ABAT: variants seen among roughly 807,000 people sequenced by gnomAD.
ABAT encodes 4-aminobutyrate aminotransferase, mitochondrial.
In ABAT, 45 loss-of-function variants were observed where a neutral mutation model predicts 64.6. That is an observed-to-expected ratio of 0.70 (90% CI 0.55 to 0.89). The LOEUF (loss-of-function observed/expected upper bound fraction) is 0.89, where lower values mean the gene tolerates loss of function less well. ABAT is among the 40% of genes least tolerant of loss of function. The probability of loss-of-function intolerance (pLI) is 0.00; values close to 1 mark genes in which losing one functional copy is unlikely to be tolerated. For missense variants in ABAT, 633 were observed against 658.4 expected (o/e 0.96, Z 0.42); for synonymous variants, 297 against 250.5 (o/e 1.19, Z -1.75).
At chr16:8,710,369 C>G (rs979443846) in intron 1 of ABAT, among the ~76,000 whole-genome samples, 1 of 152,138 alleles carries the variant, frequency 6.6e-6, no homozygotes, top group Non-Finnish European at 1.5e-5. Flanking sequence ...GCAAGATAGA[C>G]TTTTGCATGC....
intron 1 of ABAT, among the ~76,000 whole-genome samples, chr16:8,729,161 A>G (rs1207497221): frequency 6.9e-6 from 1 of 144,880 alleles, no homozygotes; most frequent in East Asian, 2.0e-4. Context: ...AAAAAAAATT[A>G]GCTGGGCGTG....
At chr16:8,775,172 G>T (rs2060229977) in intron 13 of ABAT, 115 bp downstream of exon 13, 1 of 1,373,360 alleles carries the variant, frequency 7.3e-7, no homozygotes, top group Admixed American at 1.9e-5. Flanking sequence ...TGGGTCGCAG[G>T]TTTTCTAAGT....
intron 14 of ABAT, among the ~76,000 whole-genome samples, chr16:8,779,220 G>C (rs1003581470): frequency 6.6e-6 from 1 of 152,244 alleles, no homozygotes; most frequent in African/African-American, 2.4e-5. Context: ...TATACAGTGA[G>C]AGGGACAGAG....
intron 14 of ABAT, among the ~76,000 whole-genome samples, chr16:8,779,161 T>C (rs547380022): frequency 6.6e-6 from 1 of 152,316 alleles, no homozygotes; most frequent in South Asian, 2.1e-4. Flanking sequence ...AGCATTTAAA[T>C]CCTTCAGTTT....
At chr16:8,760,849 A>T (rs2059775410) in intron 6 of ABAT, among the ~76,000 whole-genome samples, 1 of 152,150 alleles carries the variant, frequency 6.6e-6, no homozygotes, top group African/African-American at 2.4e-5. Context: ...CTGAGGCAGA[A>T]GGATCCCTGA....
At chr16:8,706,418 A>G (rs558610664) in intron 1 of ABAT, among the ~76,000 whole-genome samples, 10 of 147,784 alleles carry the variant, frequency 6.8e-5, no homozygotes, top group African/African-American at 2.5e-4. Flanking sequence ...AAAAAAAAAA[A>G]AAAAAGAAAA....
chr16:8,688,136 T>C (rs1325316463), intron 1 of ABAT, among the ~76,000 whole-genome samples: 1 of 152,120 alleles, frequency 6.6e-6, no homozygotes, highest in East Asian at 1.9e-4. Context: ...ACTCCTGGCC[T>C]CAAGCAATCC....
At chr16:8,744,705 T>G (rs1184007027) in intron 2 of ABAT, among the ~76,000 whole-genome samples, 1 of 150,962 alleles carries the variant, frequency 6.6e-6, no homozygotes, top group African/African-American at 2.4e-5. Flanking sequence ...TCAGCCAGGC[T>G]AAAAATACTA....
At chr16:8,681,372 A>G (rs918053574) in intron 1 of ABAT, among the ~76,000 whole-genome samples, 2 of 151,888 alleles carry the variant, frequency 1.3e-5, no homozygotes, top group Admixed American at 1.3e-4. Flanking sequence ...CCTGTAGGTC[A>G]CACACTATCT....
chr16:8,738,558 A>T, intron 2 of ABAT: 2 of 408,014 alleles, frequency 4.9e-6, no homozygotes, highest in South Asian at 3.6e-5. Context: ...GGTTTTAAGA[A>T]GTTATCAATG....
chr16:8,735,330 C>T (rs1802855990), intron 1 of ABAT, among the ~76,000 whole-genome samples: 2 of 151,986 alleles, frequency 1.3e-5, no homozygotes, highest in Admixed American at 6.6e-5. Context: ...TGGCTCACTG[C>T]AGCCTCAAAT....
At chr16:8,679,261 C>G (rs1044176665) in intron 1 of ABAT, among the ~76,000 whole-genome samples, 4 of 152,102 alleles carry the variant, frequency 2.6e-5, no homozygotes, top group Admixed American at 2.0e-4. Context: ...CCAGAAGTTG[C>G]CAGTGGTGAA....
intron 1 of ABAT, among the ~76,000 whole-genome samples, chr16:8,691,696 C>G (rs1055463566): frequency 8.6e-5 from 11 of 127,426 alleles, no homozygotes; most frequent in African/African-American, 3.0e-4. Flanking sequence ...TGCCCTCAGC[C>G]TCACAAAGTG....
rs140172641 is a variant in ABAT at position 8,758,526 on chromosome 16, C to G, written c.366+720C>G. On this transcript the variant is annotated intron_variant, in intron 6 of 15. Transcript: ENST00000268251. ...AGGGCACAGGGTTTTCAGACGCCAC[C>G]TAGGCCAGGGGTTCAGAACTCTCAC... Among the ~76,000 whole-genome samples the G allele has an allele frequency of 3.5e-3, 529 of 152,244 alleles. 9 individuals are homozygous for G. Among genetic ancestry groups the G allele is most frequent in the Middle Eastern group, 0.01 (3 of 294 alleles).
chr16:8,734,843 A>G (rs1254490520), intron 1 of ABAT, among the ~76,000 whole-genome samples: 1 of 152,134 alleles, frequency 6.6e-6, no homozygotes, highest in African/African-American at 2.4e-5. Context: ...GGGGAGAGGG[A>G]ACAGGGAGCA....
chr16:8,781,358 G>A lies in ABAT; in HGVS notation c.1431G>A (p.Thr477=), dbSNP rs573157071. Residue 477 remains threonine (T), a synonymous_variant, in exon 16 of 16, where the codon ACG becomes ACA. Transcript: ENST00000268251. This position sits in a 1 kb window ranked among gnomAD's most constrained non-coding sequence, Gnocchi z 4.5. ...ACAAATCCATTCGTTTCCGTCCCAC[G>A]CTGGTCTTCAGGGATCACCACGCTC... The part of the protein sequence containing the change: ...CGDKSIRFRP[T]LVFRDHHAHL... The A allele has an allele frequency of 9.8e-5, 158 of 1,614,142 alleles. No individual in the cohort carries two copies. The South Asian group carries it at 1.5e-3, about 15-fold the overall frequency.
At chr16:8,700,959 A>C (rs1182982057) in intron 1 of ABAT, among the ~76,000 whole-genome samples, 2 of 133,534 alleles carry the variant, frequency 1.5e-5, no homozygotes, top group Non-Finnish European at 1.5e-5. Context: ...TTTGAGATGG[A>C]GTGTCACTCT....
chr16:8,766,638 GA>G (rs2059954612), intron 9 of ABAT, among the ~76,000 whole-genome samples: 1 of 150,318 alleles, frequency 6.7e-6, no homozygotes, highest in Non-Finnish European at 1.5e-5. Flanking sequence ...CTGGGTGACA[GA>G]GTGAGACTCC....
In ABAT at chr16:8,749,386, C is replaced by CTT. The variant is rs1160144275; in HGVS notation, c.199-1007_199-1006dup. On this transcript the variant is annotated intron_variant, in intron 4 of 15. Transcript: ENST00000268251. ...ACAGGCGTGAGCCACCGCACCCGGC[C>CTT]TTTTTTTTTTTTTTTTTTTTTTTTT... Among the ~76,000 whole-genome samples, 318 of 32,024 alleles carry CTT rather than the reference C, an allele frequency of 9.9e-3. 98 individuals are homozygous for CTT. The highest frequency in any genetic ancestry group is 0.011 in the Non-Finnish European group (204 of 18,086). The allele number at this position is 32,024 out of a possible 152,430, so 21.0% of individuals were successfully genotyped here. A position where few individuals can be genotyped will look rare whatever the true frequency, so the allele number is the denominator to read the frequency against.
Sources: allele counts gnomAD v4.1 joint callset (sites outside exome capture counted in the v4.1 genomes callset), GRCh38; gene constraint gnomAD v4.1.1; non-coding constraint Gnocchi (gnomAD v3.1); transcripts MANE v1.5; gene names NCBI Gene and HGNC (gene_info 2026-07-23, HGNC 2026-07-21).